Variants in XKR9 observed in about 807,000 individuals in gnomAD.
The protein encoded by XKR9 is XK-related protein 9.
A neutral mutation model predicts 32.0 loss-of-function variants in XKR9; 32 were observed. The observed-to-expected ratio is 1.00, with a 90% confidence interval of 0.76 to 1.34. The LOEUF is 1.34. Among genes scored for constraint, XKR9 ranks in the 40% most tolerant of loss-of-function variants. The pLI is 0.00. For synonymous variants in XKR9, 168 were observed against 143.4 expected (o/e 1.17, Z -1.22); for missense variants, 546 against 429.7 (o/e 1.27, Z -2.39).
the XKR9 span, among the ~76,000 whole-genome samples, chr8:71,040,270 A>G: frequency 6.6e-6 from 1 of 152,162 alleles, no homozygotes; most frequent in Admixed American, 6.5e-5. Flanking sequence ...AAGAAGGGGA[A>G]GAGGAAGTGA....
At chr8:70,672,855 A>T (rs984512595) in intron 1 of XKR9, among the ~76,000 whole-genome samples, 1 of 152,064 alleles carries the variant, frequency 6.6e-6, no homozygotes, top group African/African-American at 2.4e-5. Context: ...GGCCATTTGT[A>T]TGTCTTCTTT....
chr8:70,791,542 T>TC (rs1428036586), downstream of XKR9, among the ~76,000 whole-genome samples: 3 of 152,086 alleles, frequency 2.0e-5, no homozygotes, highest in Non-Finnish European at 4.4e-5. Flanking sequence ...GGGAGTGGGT[T>TC]CCTTCCTTAT....
intron 4 of XKR9, among the ~76,000 whole-genome samples, chr8:70,720,479 A>G (rs1806240775): frequency 6.6e-6 from 1 of 151,968 alleles, no homozygotes; most frequent in Non-Finnish European, 1.5e-5. Context: ...TTTCATCAAT[A>G]CCTAGTTTAT....
intron 4 of XKR9, among the ~76,000 whole-genome samples, chr8:70,718,375 T>C (rs1421005728): frequency 6.6e-6 from 1 of 152,170 alleles, no homozygotes; most frequent in Non-Finnish European, 1.5e-5. Context: ...TACATAGGTA[T>C]ACATGTGCCA....
At chr8:70,819,913 T>A in the XKR9 span, among the ~76,000 whole-genome samples, 9 of 152,270 alleles carry the variant, frequency 5.9e-5, no homozygotes, top group South Asian at 1.9e-3. Context: ...ATGACAGCCT[T>A]CAAAAAGAGG....
chr8:70,970,259 G>T, the XKR9 span, among the ~76,000 whole-genome samples: 2 of 152,130 alleles, frequency 1.3e-5, no homozygotes, highest in South Asian at 4.1e-4. Context: ...TAGATACCTC[G>T]TAGTGGGATT....
chr8:70,772,884 A>G (rs117075642), intron 2 of XKR9, among the ~76,000 whole-genome samples: 2 of 152,200 alleles, frequency 1.3e-5, no homozygotes, highest in African/African-American at 4.8e-5. Context: ...ATAAAAGTTT[A>G]TAGAGTTTTA....
the XKR9 span, among the ~76,000 whole-genome samples, chr8:70,848,094 C>T: frequency 6.6e-6 from 1 of 151,978 alleles, no homozygotes; most frequent in East Asian, 1.9e-4. Context: ...CCAAAATCAA[C>T]AACACATTAA....
At chr8:70,743,584 C>T (rs138187556) in intron 2 of XKR9, among the ~76,000 whole-genome samples, 1 of 152,180 alleles carries the variant, frequency 6.6e-6, no homozygotes, top group African/African-American at 2.4e-5. Flanking sequence ...GAACTCTAAA[C>T]AATCTTTATT....
the XKR9 span, among the ~76,000 whole-genome samples, chr8:70,881,629 G>A: frequency 6.6e-6 from 1 of 152,178 alleles, no homozygotes; most frequent in Non-Finnish European, 1.5e-5. Context: ...ATGCTGGAGA[G>A]GATGTGGAGA....
the XKR9 span, among the ~76,000 whole-genome samples, chr8:70,905,558 G>C: frequency 2.0e-5 from 3 of 152,112 alleles, no homozygotes; most frequent in Non-Finnish European, 4.4e-5. Flanking sequence ...CTTGTGATGA[G>C]TTCAGACATC....
chr8:70,695,677 C>T (rs1370199086), intron 3 of XKR9, among the ~76,000 whole-genome samples: 1 of 151,730 alleles, frequency 6.6e-6, no homozygotes, highest in East Asian at 1.9e-4. Context: ...ATTTATAATC[C>T]TTTGGGTATA....
chr8:70,713,464 A>G (rs1332281708), intron 4 of XKR9, among the ~76,000 whole-genome samples: 1 of 152,178 alleles, frequency 6.6e-6, no homozygotes, highest in Non-Finnish European at 1.5e-5. Flanking sequence ...TACTCAGCAG[A>G]AAGAAATTCA....
chr8:70,835,075 C>T, the XKR9 span, among the ~76,000 whole-genome samples: 1 of 152,086 alleles, frequency 6.6e-6, no homozygotes, highest in Non-Finnish European at 1.5e-5. Context: ...GCCCCTGTGG[C>T]TGGCATTTAA....
the XKR9 span, among the ~76,000 whole-genome samples, chr8:70,939,644 G>C: frequency 6.6e-6 from 1 of 151,992 alleles, no homozygotes; most frequent in Non-Finnish European, 1.5e-5. Flanking sequence ...GGATGCCATA[G>C]TCTCAGTCCT....
chr8:70,954,027 G>A, the XKR9 span, among the ~76,000 whole-genome samples: 1 of 152,100 alleles, frequency 6.6e-6, no homozygotes, highest in South Asian at 2.1e-4. Context: ...AAGTGGAAAT[G>A]TGGGGAAAAT....
the XKR9 span, among the ~76,000 whole-genome samples, chr8:70,809,051 G>A: frequency 3.0e-4 from 45 of 152,300 alleles, no homozygotes; most frequent in African/African-American, 1.1e-3. Context: ...CCCCCAGTAG[G>A]GGCAGACTGA....
chr8:70,677,700 G>A (rs1326676477), intron 2 of XKR9, among the ~76,000 whole-genome samples: 1 of 152,142 alleles, frequency 6.6e-6, no homozygotes, highest in Non-Finnish European at 1.5e-5. Flanking sequence ...ACTCATTAGA[G>A]AAAACTCACC....
At chr8:70,917,792 A>G in the XKR9 span, among the ~76,000 whole-genome samples, 1 of 152,224 alleles carries the variant, frequency 6.6e-6, no homozygotes, top group African/African-American at 2.4e-5. Flanking sequence ...TTAAATGCAC[A>G]TTGAGATTAT....
Sources: gnomAD v4.1 joint callset for allele counts (sites outside exome capture counted in the v4.1 genomes callset) on GRCh38, gnomAD v4.1.1 for gene constraint, MANE v1.5 for transcripts, NCBI Gene and HGNC (gene_info 2026-07-23, HGNC 2026-07-21) for gene names.